DENND10: variants seen among roughly 807,000 people sequenced by gnomAD.
DENND10 encodes the protein DENN domain-containing protein 10.
Under a neutral mutation model 43.6 loss-of-function variants are expected in DENND10, and 24 were observed. The ratio of observed to expected loss-of-function variants is 0.55; its 90% CI spans 0.40 to 0.77. The LOEUF is 0.77. DENND10 is among the 30% of genes least tolerant of loss of function. The probability of loss-of-function intolerance (pLI) is 0.00; values close to 1 mark genes in which losing one functional copy is unlikely to be tolerated. For synonymous variants in DENND10, 125 were observed against 157.6 expected (o/e 0.79, Z 1.55); for missense variants, 303 against 429.9 (o/e 0.70, Z 2.61).
At chr10:119,121,057 C>G (rs1845550816) in intron 5 of DENND10, among the ~76,000 whole-genome samples, 1 of 152,006 alleles carries the variant, frequency 6.6e-6, no homozygotes, top group Admixed American at 6.6e-5. Flanking sequence ...TCCAGTGATC[C>G]TCATGCCTTG....
intron 3 of DENND10, among the ~76,000 whole-genome samples, chr10:119,113,679 A>G (rs1845094453): frequency 2.1e-5 from 2 of 95,056 alleles, no homozygotes; most frequent in African/African-American, 3.2e-5. Flanking sequence ...ATATACACAC[A>G]CCAAAAGAAG....
At chr10:119,125,343 T>G (rs1419439548) in intron 6 of DENND10, among the ~76,000 whole-genome samples, 1 of 151,886 alleles carries the variant, frequency 6.6e-6, no homozygotes, top group Non-Finnish European at 1.5e-5. Context: ...TTAATTGTTA[T>G]GGGTATATAA....
chr10:119,123,645 T>G, intron 6 of DENND10, 76 bp downstream of exon 6: 1 of 1,159,276 alleles, frequency 8.6e-7, no homozygotes, highest in Non-Finnish European at 1.3e-6. Flanking sequence ...TTTTCACTCT[T>G]GTTGCCCAGG....
chr10:119,122,609 G>A (rs1021067613), intron 5 of DENND10, among the ~76,000 whole-genome samples: 1 of 152,138 alleles, frequency 6.6e-6, no homozygotes, highest in Admixed American at 6.6e-5. Flanking sequence ...AGCGGTCACA[G>A]CTTCTGAGAT....
chr10:119,109,797 T>G (rs921699232), intron 2 of DENND10, among the ~76,000 whole-genome samples: 7 of 151,990 alleles, frequency 4.6e-5, no homozygotes, highest in South Asian at 2.1e-4. Flanking sequence ...TTTCTTTTTT[T>G]TTTTTTAACT....
In DENND10 at chr10:119,129,627, G is replaced by A. The variant is rs1332866484; in HGVS notation, c.802+5G>A. On this transcript the variant is annotated splice_donor_5th_base_variant and intron_variant, in intron 7 of 8. Coordinates refer to ENST00000361432, the MANE Select transcript of DENND10 (RefSeq NM_207009.4). ...CCATTGCTCCCCTTGCAAAAGGTTT[G>A]TTCTCTGTTCTGTTCTTGATACAAG... is the stretch of plus-strand genomic sequence containing the variant. The A allele has an allele frequency of 4.4e-6, 7 of 1,580,606 alleles. No homozygotes were observed. The highest frequency in any genetic ancestry group is 6.1e-6 in the Non-Finnish European group (7 of 1,149,540).
intron 6 of DENND10, among the ~76,000 whole-genome samples, chr10:119,127,910 A>G (rs1281981189): frequency 1.3e-5 from 2 of 152,172 alleles, no homozygotes. Flanking sequence ...GATTACAGGC[A>G]GGAGCCACTG....
chr10:119,114,148 C>T (rs552572869), intron 3 of DENND10: 1 of 152,302 alleles, frequency 6.6e-6, no homozygotes, highest in African/African-American at 2.4e-5. Flanking sequence ...GATTTCTTCT[C>T]CCGTCACAGT....
intron 6 of DENND10, among the ~76,000 whole-genome samples, chr10:119,124,921 T>A (rs1845756972): frequency 6.6e-6 from 1 of 152,074 alleles, no homozygotes; most frequent in Non-Finnish European, 1.5e-5. Flanking sequence ...TAAAATAAAA[T>A]TTAAAAAATG....
chr10:119,111,278 A>C (rs2133464699), intron 2 of DENND10, among the ~76,000 whole-genome samples: 1 of 151,738 alleles, frequency 6.6e-6, no homozygotes, highest in South Asian at 2.1e-4. Context: ...AAAAAAAAAA[A>C]AAAAACTGGA....
At chr10:119,108,188 A>G (rs1844790344) in intron 2 of DENND10, 24 bp downstream of exon 2, 1 of 1,563,240 alleles carries the variant, frequency 6.4e-7, no homozygotes, top group African/African-American at 1.4e-5. Context: ...AAGGTAAAAA[A>G]AAAACCCCAA....
intron 2 of DENND10, among the ~76,000 whole-genome samples, chr10:119,110,688 C>A (rs1213079970): frequency 6.6e-6 from 1 of 152,038 alleles, no homozygotes; most frequent in African/African-American, 2.4e-5. Context: ...AACTCCTGAC[C>A]TTGTGATCCA....
intron 3 of DENND10, chr10:119,114,216 TC>T (rs964703633): frequency 1.3e-5 from 2 of 152,084 alleles, no homozygotes; most frequent in Non-Finnish European, 2.9e-5. Context: ...TCCTGCCCCT[TC>T]ATGCAGCACT....
At chr10:119,106,357 T>C (rs962918006) in intron 1 of DENND10, among the ~76,000 whole-genome samples, 2 of 152,204 alleles carry the variant, frequency 1.3e-5, no homozygotes, top group Non-Finnish European at 2.9e-5. Context: ...TTATTTGTAG[T>C]CTTTAGAGAC....
At chr10:119,131,331 G>A (rs774206587) in intron 7 of DENND10, among the ~76,000 whole-genome samples, 5 of 152,142 alleles carry the variant, frequency 3.3e-5, no homozygotes, top group South Asian at 2.1e-4. Flanking sequence ...GGTGGCAGGC[G>A]CCTCTAGTCC....
rs757834714 is a variant in DENND10, at chr10:119,107,988, G to A, written c.76G>A (p.Val26Ile). The A allele has an allele frequency of 1.2e-5, 20 of 1,613,920 alleles. No individual in the cohort carries two copies. Among genetic ancestry groups the A allele is most frequent in the Non-Finnish European group, 8.5e-7 (1 of 1,179,948 alleles). Residue 26 changes from valine to isoleucine, a missense_variant, in exon 2 of 9, where the codon GTT (valine) becomes ATT (isoleucine). Transcript: ENST00000361432. ...GLIEKDTNGE[V>I]LWVWCYPSTT... ...CGTAGAAAAGGACACAAATGGAGAA[G>A]TTCTGTGGGTGTGGTGTTATCCTTC...
At chr10:119,131,426 C>T (rs536453881) in intron 7 of DENND10, among the ~76,000 whole-genome samples, 16 of 152,272 alleles carry the variant, frequency 1.1e-4, no homozygotes, top group African/African-American at 3.9e-4. Context: ...CCACTGCACT[C>T]CAGCCTGGGT....
Position 119,117,515 on chromosome 10 carries a change from A to G in DENND10, c.333-4A>G. On this transcript the variant is annotated splice_region_variant and splice_polypyrimidine_tract_variant and intron_variant, in intron 3 of 8. Transcript: ENST00000361432. ...CACAGTTGCTTTGTTGTCCTTTCTT[A>G]CAGAATGTACCTGAAACATGGGAGC... The G allele has an allele frequency of 6.2e-7, 1 of 1,611,840 alleles. No homozygotes were observed. The highest frequency in any genetic ancestry group is 8.5e-7 in the Non-Finnish European group (1 of 1,178,578).
chr10:119,124,924 A>T (rs958821299), intron 6 of DENND10, among the ~76,000 whole-genome samples: 3 of 152,140 alleles, frequency 2.0e-5, no homozygotes, highest in Admixed American at 1.3e-4. Context: ...AATAAAATTT[A>T]AAAAATGCAA....
Sources: gnomAD v4.1 joint callset for allele counts (sites outside exome capture counted in the v4.1 genomes callset) on GRCh38, gnomAD v4.1.1 for gene constraint, MANE v1.5 for transcripts, NCBI Gene and HGNC (gene_info 2026-07-23, HGNC 2026-07-21) for gene names.